CTTN: variants seen among roughly 807,000 people sequenced by gnomAD.
CTTN encodes the protein src substrate cortactin.
In CTTN, 28 loss-of-function variants were observed where a neutral mutation model predicts 84.0. The observed-to-expected ratio is 0.33, with a 90% CI of 0.25 to 0.46. CTTN has a LOEUF of 0.46. Among genes scored for constraint, CTTN ranks in the 20% least tolerant of loss-of-function variants. The pLI is 1.00. For missense variants in CTTN, 641 were observed against 723.8 expected, an observed-to-expected ratio of 0.89 and a Z score of 1.31; for synonymous variants, 301 against 288.8, an observed-to-expected ratio of 1.04 and a Z score of -0.43.
intron 13 of CTTN, among the ~76,000 whole-genome samples, chr11:70,428,155 T>C (rs2058318818): frequency 6.0e-4 from 4 of 6,660 alleles, no homozygotes; most frequent in African/African-American, 4.3e-3. Flanking sequence ...TCTTCCCACT[T>C]TTTTTTTTTT....
At chr11:70,426,061 C>T (rs948846594) in intron 13 of CTTN, among the ~76,000 whole-genome samples, 3 of 152,248 alleles carry the variant, frequency 2.0e-5, no homozygotes, top group Middle Eastern at 3.4e-3. Flanking sequence ...TTTGACCACT[C>T]GTGAGAACCC....
chr11:70,406,667 C>T (rs1046242760), intron 2 of CTTN, among the ~76,000 whole-genome samples: 2 of 152,202 alleles, frequency 1.3e-5, no homozygotes, highest in Admixed American at 6.5e-5. Context: ...TGGCTGCCCA[C>T]TTGCAGAGCT....
At chr11:70,415,780 A>G (rs1232155125) in intron 7 of CTTN, 63 bp downstream of exon 7, 1 of 1,525,250 alleles carries the variant, frequency 6.6e-7, no homozygotes, top group Non-Finnish European at 9.1e-7. Flanking sequence ...AGTCACAGCC[A>G]CCTGAAGCCG....
intron 6 of CTTN, among the ~76,000 whole-genome samples, chr11:70,415,452 C>T (rs1453513655): frequency 1.3e-5 from 2 of 152,194 alleles, no homozygotes; most frequent in African/African-American, 4.8e-5. Context: ...GCTTGGCCTG[C>T]GCCGCCCACT....
chr11:70,429,059 A>G lies in CTTN; in HGVS notation c.1036A>G (p.Lys346Glu). 1 of 1,614,242 alleles carries G rather than the reference A, an allele frequency of 6.2e-7. No homozygotes were observed. The highest frequency in any genetic ancestry group is 1.1e-5 in the South Asian group (1 of 91,092). ...KTVPVEAVTS[K>E]TSNIRANFEN... is the part of the protein sequence containing the mutation. ...CCCTCCTTCCTCTATAGTGACCAGC[A>G]AAACAAGTAACATCAGAGCTAACTT... Residue 346 changes from lysine (K) to glutamate (E), a missense_variant, in exon 14 of 18, where the codon AAA becomes GAA. This residue lies in a region of CTTN where 289 missense variants were observed against 273.1 expected (regional missense o/e 1.06). Coordinates refer to ENST00000301843, the MANE Select transcript of CTTN (RefSeq NM_005231.4).
Position 70,414,557 on chromosome 11 carries a change from G to A in CTTN, c.307G>A (p.Glu103Lys), listed in dbSNP as rs747005504. 21 of 1,613,930 alleles carry A rather than the reference G, an allele frequency of 1.3e-5. No individual in the cohort carries two copies. The highest frequency in any genetic ancestry group is 3.3e-4 in the Middle Eastern group (2 of 6,084). The stretch of plus-strand genomic sequence containing the variant: ...CCTGTTCCAGTCAGCTGTCGGCCAC[G>A]AATATCAGTCGAAACTTTCCAAGCA... ...DRMDKSAVGHEYQSKLSKHCS... is the reference protein window; with the variant it reads ...DRMDKSAVGHKYQSKLSKHCS... Residue 103 changes from glutamate (E) to lysine (K), a missense_variant, in exon 6 of 18, where the codon GAA becomes AAA. This residue lies in a region of CTTN where 284 missense variants were observed against 348.4 expected (regional missense o/e 0.82). Coordinates refer to ENST00000301843, the MANE Select transcript of CTTN (RefSeq NM_005231.4).
chr11:70,435,042 C>A lies in CTTN; in HGVS notation c.1533C>A (p.Ile511=). 2 of 1,614,044 alleles carry A rather than the reference C, an allele frequency of 1.2e-6. No individual in the cohort carries two copies. Among genetic ancestry groups the A allele is most frequent in the Non-Finnish European group, 1.7e-6 (2 of 1,180,020 alleles). Residue 511 remains isoleucine, a synonymous_variant, in exon 18 of 18, where the codon ATC becomes ATA. Coordinates refer to ENST00000301843, the MANE Select transcript of CTTN (RefSeq NM_005231.4). ...YDYQAAGDDE[I]SFDPDDIITN... ...CTTCCCCAGCGGGCGATGATGAGAT[C>A]TCATTTGACCCTGATGACATCATCA...
intron 8 of CTTN, 47 bp from the exon 9 acceptor site, chr11:70,419,699 T>C (rs193026361): frequency 6.7e-7 from 1 of 1,495,524 alleles, no homozygotes; most frequent in East Asian, 2.3e-5. Flanking sequence ...GCATGTTCAC[T>C]GATTTCGTTG....
intron 14 of CTTN, among the ~76,000 whole-genome samples, chr11:70,430,176 G>A (rs1018803103): frequency 1.3e-5 from 2 of 152,230 alleles, no homozygotes; most frequent in Admixed American, 1.3e-4. Context: ...AAGGCCGCCT[G>A]CAGAGGGAGA....
chr11:70,420,587 T>C, intron 10 of CTTN, 77 bp downstream of exon 10: 1 of 980,052 alleles, frequency 1.0e-6, no homozygotes, highest in Non-Finnish European at 1.6e-6. Flanking sequence ...TGGTATGTGT[T>C]GTGTCTGCGT....
At chr11:70,419,087 T>TA (rs1289905450) in intron 8 of CTTN, among the ~76,000 whole-genome samples, 93 of 144,176 alleles carry the variant, frequency 6.5e-4, no homozygotes, top group East Asian at 1.6e-3. Flanking sequence ...TGCTGTACTT[T>TA]AAAAAAAAAA....
rs960168853 is a variant in CTTN at position 70,435,896 on chromosome 11, C to T, written c.*734C>T. 18 of 1,479,014 alleles carry T rather than the reference C, an allele frequency of 1.2e-5. No homozygotes were observed. Among genetic ancestry groups the T allele is most frequent in the East Asian group, 4.9e-5 (2 of 40,488 alleles). The allele number at this position is 1,479,014 out of a possible 1,614,324, so 91.6% of individuals were successfully genotyped here. A position where few individuals can be genotyped will look rare whatever the true frequency, so the allele number is the denominator to read the frequency against. ...GTGTCACTGAGTCCTTGAAATCCTC[C>T]CCTGCCCCGCGGGTCTCTGGATTGG... On this transcript the variant is annotated 3_prime_UTR_variant, in exon 18 of 18. Coordinates refer to ENST00000301843, the MANE Select transcript of CTTN (RefSeq NM_005231.4).
At chr11:70,416,029 G>A (rs779210394) in intron 7 of CTTN, 2 of 341,896 alleles carry the variant, frequency 5.8e-6, no homozygotes, top group East Asian at 5.3e-5. Flanking sequence ...TCTGGGCAGC[G>A]CTCCTCCTGG....
intron 4 of CTTN, 55 bp downstream of exon 4, chr11:70,407,646 G>C: frequency 6.5e-7 from 1 of 1,538,894 alleles, no homozygotes; most frequent in Non-Finnish European, 8.9e-7. Flanking sequence ...GGAGCCCCAG[G>C]TGCAACAGGG....
intron 17 of CTTN, among the ~76,000 whole-genome samples, 155 bp from the exon 18 acceptor site, chr11:70,434,871 T>C (rs1003003836): frequency 6.6e-6 from 1 of 152,214 alleles, no homozygotes; most frequent in African/African-American, 2.4e-5. Flanking sequence ...CTTGGTGGCA[T>C]GGGAGAGGCA....
In CTTN at chr11:70,403,186, C is replaced by CTTTTTTTT. The variant is rs1209259210; in HGVS notation, c.-97-2065_-97-2058dup. 5.2e-5 allele frequency among the ~76,000 whole-genome samples: 6 copies of CTTTTTTTT among 114,706 alleles called. 2 individuals are homozygous for CTTTTTTTT. Among genetic ancestry groups the CTTTTTTTT allele is most frequent in the African/African-American group, 2.0e-4 (6 of 29,358 alleles). The allele number at this position is 114,706 out of a possible 152,430, so 75.3% of individuals were successfully genotyped here. A position where few individuals can be genotyped will look rare whatever the true frequency, so the allele number is the denominator to read the frequency against. ...CCTTTTTATTGAATTATAAGAGTTC[C>CTTTTTTTT]TTTTTTTTTTTTTTTTTTTTTGAGA... On this transcript the variant is annotated intron_variant, in intron 1 of 17. Coordinates refer to ENST00000301843, the MANE Select transcript of CTTN (RefSeq NM_005231.4).
rs61885860 is a variant in CTTN at position 70,431,228 on chromosome 11, C to T, written c.1214C>T (p.Ser405Leu). Residue 405 changes from serine to leucine, a missense_variant, in exon 15 of 18, where the codon TCG (serine) becomes TTG (leucine). By Grantham distance (145) the Ser-to-Leu change is moderately radical (BLOSUM62 -2). Around this residue, in one of 3 missense-constraint regions of CTTN, gnomAD observed 289 missense variants for 273.1 expected, o/e 1.06. Coordinates refer to ENST00000301843, the MANE Select transcript of CTTN (RefSeq NM_005231.4). ...ARAKTQTPPV[S>L]PAPQPTEERL... ...GCCAAAACGCAAACGCCCCCTGTGTCGCCCGCACCTCAGCCAACCGAGGAG... is the reference window on the plus strand; with the variant it reads ...GCCAAAACGCAAACGCCCCCTGTGTTGCCCGCACCTCAGCCAACCGAGGAG... 609 of 1,614,172 alleles carry T rather than the reference C, an allele frequency of 3.8e-4. 6 individuals are homozygous for T. In the East Asian group the frequency reaches 9.4e-3, roughly 25 times the overall value.
In CTTN at chr11:70,433,185, G is replaced by A. The variant is rs774402868; in HGVS notation, c.1351G>A (p.Ala451Thr). Reference sequence around the variant, plus strand: ...GGAGCCCGTGTACAGCATGGAGGCCGCTGACTACCGAGAGGCCAGCAGCCA... The same window carrying A: ...GGAGCCCGTGTACAGCATGGAGGCCACTGACTACCGAGAGGCCAGCAGCCA... Reference protein sequence around the residue: ...EPEPVYSMEAADYREASSQQG... With the variant: ...EPEPVYSMEATDYREASSQQG... Residue 451 changes from alanine to threonine, a missense_variant, in exon 16 of 18, where the codon GCT becomes ACT. This residue lies in a region of CTTN where 289 missense variants were observed against 273.1 expected (regional missense o/e 1.06). Coordinates refer to ENST00000301843, the MANE Select transcript of CTTN (RefSeq NM_005231.4). 24 of 1,613,492 alleles carry A rather than the reference G, an allele frequency of 1.5e-5. No homozygotes were observed. The highest frequency in any genetic ancestry group is 2.7e-5 in the African/African-American group (2 of 74,936).
chr11:70,421,482 G>A lies in CTTN; in HGVS notation c.803G>A (p.Gly268Asp). The A allele has an allele frequency of 6.2e-7, 1 of 1,613,104 alleles. No homozygotes were observed. Among genetic ancestry groups the A allele is most frequent in the Non-Finnish European group, 8.5e-7 (1 of 1,179,100 alleles). The change falls in exon 11 of 18, where the codon GGT becomes GAT. Residue 268 changes from glycine (G) to aspartate (D), a missense_variant. Physicochemically the swap from Gly to Asp is moderately conservative, Grantham distance 94. This residue lies in a region of CTTN where 284 missense variants were observed against 348.4 expected (regional missense o/e 0.82). Transcript: ENST00000301843. Reference protein sequence around the residue: ...LHESQKDYKTGFGGKFGVQSE... With the variant: ...LHESQKDYKTDFGGKFGVQSE... ...TGTGGATTTTCAGATTATAAGACTG[G>A]TTTTGGAGGCAAATTCGGTGTTCAG...
Sources: gnomAD v4.1 joint callset for allele counts (sites outside exome capture counted in the v4.1 genomes callset) on GRCh38, gnomAD v4.1.1 for gene constraint, gnomAD v4.1.1 regional missense constraint, MANE v1.5 for transcripts, NCBI Gene and HGNC (gene_info 2026-07-23, HGNC 2026-07-21) for gene names.